ZNF292: variants seen among roughly 807,000 people sequenced by gnomAD.
ZNF292 encodes the protein 16 zinc-finger domain protein.
ZNF292 carries 26 observed loss-of-function variants against 217.9 expected under a neutral mutation model. That is an observed-to-expected ratio of 0.12 (90% CI 0.09 to 0.17). The LOEUF is 0.17. Among genes scored for constraint, ZNF292 ranks in the 10% least tolerant of loss-of-function variants. ZNF292 has a pLI of 1.00. For missense variants in ZNF292, 2,904 were observed against 3,175.2 expected (o/e 0.91, Z 2.05); for synonymous variants, 1,257 against 1,124.1 (o/e 1.12, Z -2.37).
At chr6:87,239,233 T>G (rs888403824) in intron 5 of ZNF292, among the ~76,000 whole-genome samples, 1 of 151,492 alleles carries the variant, frequency 6.6e-6, no homozygotes, top group African/African-American at 2.4e-5. Context: ...GCAGAGGGGC[T>G]CCTCAATTCC....
intron 5 of ZNF292, among the ~76,000 whole-genome samples, chr6:87,237,393 C>T (rs967187204): frequency 2.6e-5 from 4 of 152,052 alleles, no homozygotes; most frequent in East Asian, 1.9e-4. Flanking sequence ...AGGTGCACGC[C>T]GCCATGCCTG....
Position 87,255,841 on chromosome 6 carries a change from A to C in ZNF292, c.2212A>C (p.Asn738His). 6.2e-7 allele frequency: 1 copy of C among 1,613,850 alleles called. No individual in the cohort carries two copies. Among genetic ancestry groups the C allele is most frequent in the Non-Finnish European group, 8.5e-7 (1 of 1,179,840 alleles). Residue 738 changes from asparagine to histidine, a missense_variant, in exon 8 of 8, where the codon AAT (asparagine) becomes CAT (histidine). Asn to His is a moderately conservative substitution (Grantham distance 68). Coordinates refer to ENST00000369577, the MANE Select transcript of ZNF292 (RefSeq NM_015021.3). ...RRHFVSVTHL[N>H]DHLQMHCGSK... ...GCATTTTGTGAGTGTTACTCATCTC[A>C]ATGATCACTTACAGATGCACTGTGG...
At position 87,258,713 on chromosome 6, in the gene ZNF292, A is replaced by C. The variant is rs369791289; in HGVS notation, c.5084A>C (p.Asn1695Thr). ...NLTQKLNNVN[N>T]QLFMTDVKEN... ...ACACAGAAATTAAATAATGTTAACA[A>C]TCAGTTATTTATGACTGATGTAAAA... Residue 1695 changes from asparagine to threonine, a missense_variant, in exon 8 of 8, where the codon AAT (asparagine) becomes ACT (threonine). By Grantham distance (65) the Asn-to-Thr change is moderately conservative (BLOSUM62 0). Transcript: ENST00000369577. 1.2e-6 allele frequency: 2 copies of C among 1,613,360 alleles called. No homozygotes were observed. The highest frequency in any genetic ancestry group is 3.3e-5 in the Admixed American group (2 of 59,874).
intron 4 of ZNF292, chr6:87,222,859 T>C (rs2127810407): frequency 2.2e-6 from 1 of 452,926 alleles, no homozygotes; most frequent in South Asian, 1.6e-5. Context: ...TTCCTTGTTT[T>C]TGATGACCTT....
chr6:87,191,413 C>A (rs1771817699), intron 1 of ZNF292, among the ~76,000 whole-genome samples: 1 of 152,178 alleles, frequency 6.6e-6, no homozygotes, highest in South Asian at 2.1e-4. Context: ...ATTAGTGACA[C>A]TTAGATTGTT....
chr6:87,188,392 A>G (rs1771726373), intron 1 of ZNF292, among the ~76,000 whole-genome samples: 1 of 152,124 alleles, frequency 6.6e-6, no homozygotes, highest in Admixed American at 6.5e-5. Flanking sequence ...TAATGTAGAA[A>G]TCCCTTACTG....
intron 1 of ZNF292, among the ~76,000 whole-genome samples, chr6:87,203,617 A>C (rs73483760): frequency 6.6e-6 from 1 of 151,662 alleles, no homozygotes; most frequent in South Asian, 2.1e-4. Flanking sequence ...GGGTGCTGCA[A>C]TGGCCCAGAG....
chr6:87,259,322 TTAA>T lies in ZNF292; in HGVS notation c.5697_5699del (p.Asn1899del), dbSNP rs1775427631. 2 of 1,613,508 alleles carry T rather than the reference TTAA, an allele frequency of 1.2e-6. No individual in the cohort carries two copies. Among genetic ancestry groups the T allele is most frequent in the Middle Eastern group, 1.6e-4 (1 of 6,062 alleles). On this transcript the variant is annotated inframe_deletion, in exon 8 of 8. Transcript: ENST00000369577. ...ATAAACATTCAATTTAATGACAAAG[TTAA>T]TAAACCCTTTGTGTGTCAAAACCAA...
At chr6:87,249,310 A>G (rs1173120066) in intron 7 of ZNF292, 1 of 333,690 alleles carries the variant, frequency 3.0e-6, no homozygotes, top group Non-Finnish European at 6.1e-6. Context: ...TATTTTTTGT[A>G]GAGATGGGGT....
At chr6:87,211,966 A>G (rs1385436991) in intron 1 of ZNF292, among the ~76,000 whole-genome samples, 2 of 152,148 alleles carry the variant, frequency 1.3e-5, no homozygotes, top group Admixed American at 6.5e-5. Flanking sequence ...AACAAAAACC[A>G]TTGGTTTAAT....
chr6:87,238,680 G>T (rs2127831186), intron 5 of ZNF292, among the ~76,000 whole-genome samples: 1 of 142,270 alleles, frequency 7.0e-6, no homozygotes, highest in African/African-American at 2.7e-5. Context: ...TTTTGGTTTT[G>T]ATTTATATAT....
chr6:87,233,449 T>G lies in ZNF292; in HGVS notation c.663T>G (p.Ile221Met). 1.9e-6 allele frequency: 3 copies of G among 1,613,652 alleles called. No homozygotes were observed. The highest frequency in any genetic ancestry group is 2.5e-6 in the Non-Finnish European group (3 of 1,179,694). Residue 221 changes from isoleucine to methionine, a missense_variant, in exon 5 of 8, where the codon ATT (isoleucine) becomes ATG (methionine). Physicochemically the swap from Ile to Met is conservative, Grantham distance 10. Coordinates refer to ENST00000369577, the MANE Select transcript of ZNF292 (RefSeq NM_015021.3). ...AGCTGTGTTCTGACCATCCAGAGATTGGCATAAAAGGTAGTTTTAAGCAAA... is the reference window on the plus strand; with the variant it reads ...AGCTGTGTTCTGACCATCCAGAGATGGGCATAAAAGGTAGTTTTAAGCAAA... The part of the protein sequence containing the change: ...LAKLCSDHPE[I>M]GIKGSFKQTY...
At chr6:87,246,581 T>TGGGCC (rs971353576) in intron 7 of ZNF292, among the ~76,000 whole-genome samples, 10 of 152,214 alleles carry the variant, frequency 6.6e-5, no homozygotes, top group African/African-American at 2.4e-4. Context: ...TATAAGATCC[T>TGGGCC]GGGCCAGGCC....
intron 2 of ZNF292, 45 bp downstream of exon 2, chr6:87,216,102 T>C: frequency 8.3e-7 from 1 of 1,210,306 alleles, no homozygotes; most frequent in Non-Finnish European, 1.1e-6. Flanking sequence ...GCTTTAAAAA[T>C]ACATAGACAC....
chr6:87,173,018 T>C (rs946007621), intron 1 of ZNF292, among the ~76,000 whole-genome samples: 1 of 152,154 alleles, frequency 6.6e-6, no homozygotes, highest in Admixed American at 6.5e-5. Context: ...AATGATGTAA[T>C]ATTGTATTAT....
chr6:87,232,605 A>T (rs1773709900), intron 4 of ZNF292, among the ~76,000 whole-genome samples: 1 of 152,136 alleles, frequency 6.6e-6, no homozygotes, highest in Non-Finnish European at 1.5e-5. Context: ...TAGATGACCA[A>T]ACAAGCACTA....
In ZNF292 at chr6:87,260,249, T is replaced by C; in HGVS notation, c.6620T>C (p.Met2207Thr). 1 of 1,613,662 alleles carries C rather than the reference T, an allele frequency of 6.2e-7. No individual in the cohort carries two copies. ...ATGACTCCTGAAGAAATTGAAAGTA[T>C]GACTGCTTCAGTGGATGTTGGGAAG... ...HEMTPEEIESMTASVDVGKFP... is the reference protein window; with the variant it reads ...HEMTPEEIESTTASVDVGKFP... Residue 2207 changes from methionine (M) to threonine (T), a missense_variant, in exon 8 of 8, where the codon ATG (methionine) becomes ACG (threonine). Coordinates refer to ENST00000369577, the MANE Select transcript of ZNF292 (RefSeq NM_015021.3).
chr6:87,239,842 G>A (rs1282979318), intron 5 of ZNF292, among the ~76,000 whole-genome samples: 1 of 151,882 alleles, frequency 6.6e-6, no homozygotes, highest in Non-Finnish European at 1.5e-5. Context: ...ATGGCGGCCG[G>A]GAAGAGGCGC....
chr6:87,255,630 A>C lies in ZNF292; in HGVS notation c.2001A>C (p.Pro667=), dbSNP rs370027286. ...ENDDKDKSYE[P]EVIPVQKPVP... ...ATGACAAAGATAAATCCTATGAGCC[A>C]GAAGTGATTCCAGTCCAGAAACCAG... is the stretch of plus-strand genomic sequence containing the variant. The change falls in exon 8 of 8, where the codon CCA becomes CCC. Residue 667 remains proline (P), a synonymous_variant. Coordinates refer to ENST00000369577, the MANE Select transcript of ZNF292 (RefSeq NM_015021.3). 2.4e-5 allele frequency: 39 copies of C among 1,612,858 alleles called. No individual in the cohort carries two copies. The highest frequency in any genetic ancestry group is 3.3e-5 in the Non-Finnish European group (39 of 1,179,296).
Sources: gnomAD v4.1 joint callset for allele counts (sites outside exome capture counted in the v4.1 genomes callset) on GRCh38, gnomAD v4.1.1 for gene constraint, MANE v1.5 for transcripts, NCBI Gene and HGNC (gene_info 2026-07-23, HGNC 2026-07-21) for gene names.